Variants in LIMCH1 observed in about 807,000 individuals in gnomAD.
LIMCH1 encodes LIM and calponin homology domains-containing protein 1.
Under a neutral mutation model 176.5 loss-of-function variants are expected in LIMCH1, and 113 were observed. That is an observed-to-expected ratio of 0.64 (90% CI 0.55 to 0.75). LIMCH1 has a LOEUF of 0.75. LIMCH1 is among the 30% of genes least tolerant of loss of function. LIMCH1 has a pLI of 0.00. For synonymous variants in LIMCH1, 619 were observed against 645.9 expected (o/e 0.96, Z 0.63); for missense variants, 1,674 against 1,814.9 (o/e 0.92, Z 1.41).
chr4:41,669,569 A>T (rs1211504994), intron 21 of LIMCH1, among the ~76,000 whole-genome samples: 5 of 152,200 alleles, frequency 3.3e-5, no homozygotes, highest in Non-Finnish European at 7.3e-5. Flanking sequence ...GGTGATGCTC[A>T]TGCTGCACAT....
intron 14 of LIMCH1, 43 bp from the exon 15 acceptor site, chr4:41,644,457 C>G: frequency 6.9e-7 from 1 of 1,446,934 alleles, no homozygotes; most frequent in Non-Finnish European, 9.1e-7. Context: ...ACGCGACGGG[C>G]GCTGATCGCG....
chr4:41,380,325 C>G lies in LIMCH1; in HGVS notation c.96+19389C>G, dbSNP rs373954888. On this transcript the variant is annotated intron_variant, in intron 1 of 26. Transcript: ENST00000313860. ...TCTTCTTTTCTTTTCTTTCTTCTTT[C>G]TTGTAGAGATGGTATCTCACTTTGT... 6.6e-5 allele frequency among the ~76,000 whole-genome samples: 10 copies of G among 152,016 alleles called. No homozygotes were observed. The East Asian group carries it at 1.9e-3, about 29-fold the overall frequency.
intron 21 of LIMCH1, among the ~76,000 whole-genome samples, chr4:41,667,324 A>G (rs2094861996): frequency 2.0e-5 from 3 of 152,284 alleles, no homozygotes; most frequent in East Asian, 3.9e-4. Context: ...ATCATTCACC[A>G]TCATAGATTA....
intron 18 of LIMCH1, among the ~76,000 whole-genome samples, chr4:41,660,872 C>A (rs539740055): frequency 1.3e-5 from 2 of 151,872 alleles, no homozygotes; most frequent in Non-Finnish European, 2.9e-5. Context: ...GAGTAAGAAC[C>A]AGTGAGAAAA....
chr4:41,680,787 G>A (rs1022686113), intron 24 of LIMCH1, among the ~76,000 whole-genome samples, 168 bp from the exon 25 acceptor site: 2 of 152,266 alleles, frequency 1.3e-5, no homozygotes, highest in East Asian at 3.9e-4. Context: ...TATTACCCAT[G>A]GAGAGTGTTA....
chr4:41,524,592 G>A, intron 3 of LIMCH1: 1 of 796,514 alleles, frequency 1.3e-6, no homozygotes, highest in Admixed American at 1.9e-5. Flanking sequence ...ACTTGAATGA[G>A]AACGCATTGA....
chr4:41,576,572 G>A (rs886374518), intron 1 of LIMCH1, among the ~76,000 whole-genome samples: 2 of 152,098 alleles, frequency 1.3e-5, no homozygotes, highest in East Asian at 1.9e-4. Context: ...ACAGAGAAAT[G>A]GTAAAATTAG....
intron 17 of LIMCH1, among the ~76,000 whole-genome samples, chr4:41,648,966 ATG>A (rs375524717): frequency 7.1e-6 from 1 of 140,330 alleles, no homozygotes. Context: ...AGTTATATTT[ATG>A]TGTGTGTGTG....
At chr4:41,603,065 A>G (rs541734312) in intron 2 of LIMCH1, among the ~76,000 whole-genome samples, 26 of 152,272 alleles carry the variant, frequency 1.7e-4, no homozygotes, top group African/African-American at 6.3e-4. Flanking sequence ...GTATGCTGCA[A>G]TGAAGTAATC....
intron 21 of LIMCH1, chr4:41,670,774 C>T: frequency 6.5e-7 from 1 of 1,535,970 alleles, no homozygotes; most frequent in Non-Finnish European, 8.7e-7. Flanking sequence ...GCGACGATCC[C>T]AGTTTTTCTC....
rs1486712749 is a variant in LIMCH1 at position 41,633,777 on chromosome 4, T to C, written c.2059T>C (p.Ser687Pro). The change falls in exon 13 of 32, where the codon TCT (serine) becomes CCT (proline). Residue 687 changes from serine (S) to proline (P), a missense_variant. Physicochemically the swap from Ser to Pro is moderately conservative, Grantham distance 74. This residue lies in a region of LIMCH1 where 1,015 missense variants were observed against 1,102.5 expected (regional missense o/e 0.92). Transcript: ENST00000503057. ...PFAKQQDVEE[S>P]SKGLPMKDQR... is the part of the protein sequence containing the mutation. ...TGCAAAGCAACAGGATGTGGAAGAA[T>C]CTTCTAAAGGTCTACCCATGAAAGA... The C allele has an allele frequency of 1.3e-6, 2 of 1,536,060 alleles. No individual in the cohort carries two copies. Among genetic ancestry groups the C allele is most frequent in the Non-Finnish European group, 1.7e-6 (2 of 1,146,930 alleles).
chr4:41,637,862 A>T (rs1016280642), intron 13 of LIMCH1, among the ~76,000 whole-genome samples: 1 of 152,214 alleles, frequency 6.6e-6, no homozygotes, highest in Admixed American at 6.5e-5. Flanking sequence ...GCAGGAAGAG[A>T]TGTTTAGAAA....
At chr4:41,638,889 T>C (rs964340926) in intron 13 of LIMCH1, 43 bp from the exon 14 acceptor site, 1 of 1,571,656 alleles carries the variant, frequency 6.4e-7, no homozygotes, top group East Asian at 2.2e-5. Flanking sequence ...CAGTGTTCAC[T>C]TTCAACTCTG....
chr4:41,474,987 A>G (rs962561260), intron 1 of LIMCH1, among the ~76,000 whole-genome samples: 3 of 152,202 alleles, frequency 2.0e-5, no homozygotes, highest in African/African-American at 7.2e-5. Context: ...GCCTTAAAAA[A>G]AAAAGCCAGG....
intron 1 of LIMCH1, among the ~76,000 whole-genome samples, chr4:41,591,576 T>C (rs1405463175): frequency 1.3e-5 from 2 of 152,198 alleles, no homozygotes; most frequent in African/African-American, 2.4e-5. Context: ...ATATTTGTTA[T>C]AGAAAATGTA....
At chr4:41,376,987 G>T (rs1315384479) in intron 1 of LIMCH1, among the ~76,000 whole-genome samples, 1 of 152,084 alleles carries the variant, frequency 6.6e-6, no homozygotes, top group African/African-American at 2.4e-5. Context: ...AATCTGCTAC[G>T]AGCTCTTAAT....
At chr4:41,458,235 CCTT>C (rs1226514150) in intron 1 of LIMCH1, among the ~76,000 whole-genome samples, 1 of 152,148 alleles carries the variant, frequency 6.6e-6, no homozygotes, top group Non-Finnish European at 1.5e-5. Context: ...AAGCCAATCT[CCTT>C]CTTTTTGCAC....
upstream of LIMCH1, among the ~76,000 whole-genome samples, chr4:41,360,401 C>G (rs1317034585): frequency 6.6e-6 from 1 of 152,078 alleles, no homozygotes; most frequent in Non-Finnish European, 1.5e-5. This position sits in a 1 kb window ranked among gnomAD's most constrained non-coding sequence, Gnocchi z 4.5. Context: ...CATATGATGC[C>G]AGACCCATCC....
At chr4:41,490,489 G>A (rs1454109063) in intron 1 of LIMCH1, among the ~76,000 whole-genome samples, 1 of 152,034 alleles carries the variant, frequency 6.6e-6, no homozygotes, top group Non-Finnish European at 1.5e-5. Context: ...CTCTTAAGGA[G>A]CATGCTGTCT....
Sources: gnomAD v4.1 joint callset for allele counts (sites outside exome capture counted in the v4.1 genomes callset) on GRCh38, gnomAD v4.1.1 for gene constraint, gnomAD v4.1.1 regional missense constraint, Gnocchi (gnomAD v3.1) non-coding constraint, MANE v1.5 for transcripts, NCBI Gene and HGNC (gene_info 2026-07-23, HGNC 2026-07-21) for gene names.